Variants in ANKIB1 observed in about 807,000 individuals in gnomAD.
ANKIB1 encodes the protein ankyrin repeat and IBR domain-containing protein 1.
In ANKIB1, 43 loss-of-function variants were observed where a neutral mutation model predicts 122.1. That is an observed-to-expected ratio of 0.35 (90% CI 0.28 to 0.45). The LOEUF is 0.45. Ranked by LOEUF, ANKIB1 falls within the 20% of genes least tolerant of loss-of-function variation. The probability of loss-of-function intolerance (pLI) is 1.00; values close to 1 mark genes in which losing one functional copy is unlikely to be tolerated. For missense variants in ANKIB1, 992 were observed against 1,329.5 expected (o/e 0.75, Z 3.95); for synonymous variants, 390 against 442.0 (o/e 0.88, Z 1.48).
At chr7:92,351,296 G>A (rs895056929) in intron 8 of ANKIB1, among the ~76,000 whole-genome samples, 1 of 152,132 alleles carries the variant, frequency 6.6e-6, no homozygotes, top group South Asian at 2.1e-4. Flanking sequence ...TAAGAGGAAA[G>A]GGGAAAGGCT....
intron 4 of ANKIB1, among the ~76,000 whole-genome samples, chr7:92,322,863 A>G (rs1306319764): frequency 1.3e-5 from 2 of 152,162 alleles, no homozygotes; most frequent in Non-Finnish European, 2.9e-5. Flanking sequence ...CTAGAGCCAG[A>G]CTGAGTTCAT....
chr7:92,325,640 T>C (rs1042511108), intron 4 of ANKIB1, among the ~76,000 whole-genome samples: 1 of 152,120 alleles, frequency 6.6e-6, no homozygotes, highest in African/African-American at 2.4e-5. Flanking sequence ...TTCTTTTTTT[T>C]TTTTCTTTTA....
intron 5 of ANKIB1, 56 bp downstream of exon 5, chr7:92,327,956 G>C: frequency 8.1e-7 from 1 of 1,236,638 alleles, no homozygotes. Flanking sequence ...TGAAACTTCT[G>C]AGTTTTTAAA....
At chr7:92,369,121 A>G (rs1387826392) in intron 10 of ANKIB1, among the ~76,000 whole-genome samples, 1 of 152,206 alleles carries the variant, frequency 6.6e-6, no homozygotes, top group Middle Eastern at 3.2e-3. Context: ...TAGGTATTAT[A>G]GCAATACCCT....
intron 11 of ANKIB1, among the ~76,000 whole-genome samples, chr7:92,383,228 C>T (rs1804559640): frequency 6.6e-6 from 1 of 152,150 alleles, no homozygotes; most frequent in African/African-American, 2.4e-5. Context: ...ATAATAGGCT[C>T]TGAAATTGAG....
At position 92,398,617 on chromosome 7, in the gene ANKIB1, A is replaced by G. The variant is rs745909984; in HGVS notation, c.2938A>G (p.Met980Val). The G allele has an allele frequency of 7.4e-6, 12 of 1,613,858 alleles. No individual in the cohort carries two copies. Among genetic ancestry groups the G allele is most frequent in the Non-Finnish European group, 1.0e-5 (12 of 1,179,882 alleles). ...CAACATCATGGCTTGGTTTCATGAC[A>G]TGAACCCTCAGAGTATTGCCCTGAT... ...LGNIMAWFHD[M>V]NPQSIALIPP... The change falls in exon 20 of 20, where the codon ATG (methionine) becomes GTG (valine). Residue 980 changes from methionine (M) to valine (V), a missense_variant. Met to Val is a conservative substitution (Grantham distance 21). This residue lies in a region of ANKIB1 where 384 missense variants were observed against 412.0 expected (regional missense o/e 0.93). Transcript: ENST00000265742.
chr7:92,246,649 ATTG>A, intron 1 of ANKIB1, 130 bp downstream of exon 1: 2 of 450,586 alleles, frequency 4.4e-6, no homozygotes, highest in Admixed American at 2.4e-5. Context: ...GTTTTGGAGC[ATTG>A]TTGTTCTGTC....
intron 2 of ANKIB1, among the ~76,000 whole-genome samples, chr7:92,303,670 T>C (rs1161781386): frequency 6.6e-6 from 1 of 151,988 alleles, no homozygotes; most frequent in Non-Finnish European, 1.5e-5. Context: ...AAGAGGATTA[T>C]TGAAAAAGTG....
intron 1 of ANKIB1, among the ~76,000 whole-genome samples, chr7:92,289,648 TC>T (rs1484900012): frequency 1.3e-5 from 2 of 152,194 alleles, no homozygotes; most frequent in Non-Finnish European, 2.9e-5. Context: ...CCAGTTGAAA[TC>T]ATCTCCTCAG....
In ANKIB1 at chr7:92,327,258, A is replaced by G. The variant is rs531431167; in HGVS notation, c.670-525A>G. 5.3e-5 allele frequency among the ~76,000 whole-genome samples: 8 copies of G among 152,372 alleles called. No individual in the cohort carries two copies. In the South Asian group the frequency reaches 1.7e-3, roughly 32 times the overall value. On this transcript the variant is annotated intron_variant, in intron 4 of 19. Transcript: ENST00000265742. ...CAGTATCTGCTTTGCAGCATGAAAGAGACTTGTGAAAAGGCAGTTTGAAGT... is the reference window on the plus strand; with the variant it reads ...CAGTATCTGCTTTGCAGCATGAAAGGGACTTGTGAAAAGGCAGTTTGAAGT...
intron 2 of ANKIB1, among the ~76,000 whole-genome samples, chr7:92,301,572 A>G (rs1353373122): frequency 6.6e-6 from 1 of 151,906 alleles, no homozygotes; most frequent in Non-Finnish European, 1.5e-5. Flanking sequence ...TGAGTTCTTT[A>G]TATAGTTTTT....
rs1030133316 is a variant in ANKIB1, at chr7:92,401,340, A to T, written c.*2391A>T. ...ATGTTTGGCCAAATGAATGCTGTTAATAATATGTAAAATTCTTTGATTAAA... is the reference window on the plus strand; with the variant it reads ...ATGTTTGGCCAAATGAATGCTGTTATTAATATGTAAAATTCTTTGATTAAA... On this transcript the variant is annotated 3_prime_UTR_variant, in exon 20 of 20. Coordinates refer to ENST00000265742, the MANE Select transcript of ANKIB1 (RefSeq NM_019004.2). The T allele has an allele frequency of 2.6e-5, 4 of 152,258 alleles. No individual in the cohort carries two copies. Among genetic ancestry groups the T allele is most frequent in the Admixed American group, 1.3e-4 (2 of 15,286 alleles). 9.4% of individuals were successfully genotyped at this position (152,258 alleles called of 1,614,324 possible).
chr7:92,255,499 C>A (rs1801418015), intron 1 of ANKIB1, among the ~76,000 whole-genome samples: 1 of 152,172 alleles, frequency 6.6e-6, no homozygotes, highest in Admixed American at 6.5e-5. Flanking sequence ...AGATGGCATT[C>A]CAGACTGAGC....
intron 5 of ANKIB1, among the ~76,000 whole-genome samples, chr7:92,340,262 A>C (rs1291564480): frequency 6.6e-6 from 1 of 152,214 alleles, no homozygotes; most frequent in Non-Finnish European, 1.5e-5. Context: ...CCTGAGGGTC[A>C]CAGAGATCAG....
At chr7:92,362,413 C>A in intron 10 of ANKIB1, 140 bp downstream of exon 10, 1 of 715,834 alleles carries the variant, frequency 1.4e-6, no homozygotes. Context: ...CATCACAATC[C>A]CTTTGACTAA....
At chr7:92,310,371 A>G (rs908896265) in intron 3 of ANKIB1, among the ~76,000 whole-genome samples, 2 of 152,114 alleles carry the variant, frequency 1.3e-5, no homozygotes, top group African/African-American at 4.8e-5. Context: ...TTTTTATAAC[A>G]TTTCAGCATA....
intron 1 of ANKIB1, among the ~76,000 whole-genome samples, chr7:92,280,244 C>T (rs1476759314): frequency 1.3e-5 from 2 of 152,194 alleles, no homozygotes; most frequent in Non-Finnish European, 2.9e-5. Flanking sequence ...AGATGCAATG[C>T]CCACAAAATA....
intron 1 of ANKIB1, among the ~76,000 whole-genome samples, chr7:92,248,414 C>A (rs184727077): frequency 1.5e-4 from 23 of 152,244 alleles, no homozygotes; most frequent in African/African-American, 5.5e-4. Flanking sequence ...TTTCTTTCCT[C>A]TTTCTTTTCT....
At chr7:92,324,592 T>G (rs928570229) in intron 4 of ANKIB1, among the ~76,000 whole-genome samples, 1 of 152,202 alleles carries the variant, frequency 6.6e-6, no homozygotes, top group African/African-American at 2.4e-5. Flanking sequence ...TACCTTCTAC[T>G]TTGACCCTGG....
Sources: allele counts gnomAD v4.1 joint callset (sites outside exome capture counted in the v4.1 genomes callset), GRCh38; gene constraint gnomAD v4.1.1; regional missense constraint gnomAD v4.1.1; transcripts MANE v1.5; gene names NCBI Gene and HGNC (gene_info 2026-07-23, HGNC 2026-07-21).